The following KIAA1217 variants were observed in gnomAD, a reference collection of about 807,000 sequenced individuals.
The protein encoded by KIAA1217 is sickle tail protein homolog.
In KIAA1217, 88 loss-of-function variants were observed where a neutral mutation model predicts 163.9. The ratio of observed to expected loss-of-function variants is 0.54; its 90% CI spans 0.45 to 0.64. KIAA1217 has a LOEUF of 0.64. Ranked by LOEUF, KIAA1217 falls within the 30% of genes least tolerant of loss-of-function variation. The pLI is 0.00. For synonymous variants in KIAA1217, 903 were observed against 923.1 expected (o/e 0.98, Z 0.39); for missense variants, 2,372 against 2,475.0 (o/e 0.96, Z 0.88).
At chr10:24,532,806 G>T (rs2073327416) in intron 15 of KIAA1217, among the ~76,000 whole-genome samples, 1 of 151,934 alleles carries the variant, frequency 6.6e-6, no homozygotes, top group Non-Finnish European at 1.5e-5. Context: ...ATTTGGGTGG[G>T]GTCACAGCCA....
chr10:24,418,130 T>A (rs1387169553), intron 3 of KIAA1217, among the ~76,000 whole-genome samples: 1 of 152,054 alleles, frequency 6.6e-6, no homozygotes, highest in Non-Finnish European at 1.5e-5. Flanking sequence ...CTGCTTTTTT[T>A]TTATTTTTTG....
At chr10:24,492,948 T>A (rs1592372697) in intron 6 of KIAA1217, among the ~76,000 whole-genome samples, 2 of 152,072 alleles carry the variant, frequency 1.3e-5, no homozygotes, top group South Asian at 4.2e-4. Context: ...CAGGTTCCCG[T>A]GATTCTCCTG....
intron 1 of KIAA1217, among the ~76,000 whole-genome samples, chr10:23,919,887 C>T (rs1320965735): frequency 1.3e-5 from 2 of 152,162 alleles, no homozygotes; most frequent in African/African-American, 4.8e-5. Flanking sequence ...TTCCTTCCTT[C>T]CTGACCTTCT....
chr10:24,202,200 GT>G (rs758578520), intron 2 of KIAA1217, among the ~76,000 whole-genome samples: 4 of 152,206 alleles, frequency 2.6e-5, no homozygotes, highest in Admixed American at 6.5e-5. Flanking sequence ...TGATGAAAAA[GT>G]GGAACAAAAA....
chr10:23,839,738 G>A (rs1323036306), intron 1 of KIAA1217, among the ~76,000 whole-genome samples: 1 of 152,064 alleles, frequency 6.6e-6, no homozygotes, highest in Non-Finnish European at 1.5e-5. Flanking sequence ...CATCTCTGAT[G>A]GCTCCCACAA....
intron 1 of KIAA1217, among the ~76,000 whole-genome samples, chr10:23,959,911 C>CT (rs1326171008): frequency 0.07 from 7,422 of 106,264 alleles, 444 homozygotes; most frequent in African/African-American, 0.11. Context: ...TCATAGACTT[C>CT]TTTTTTTTTT....
chr10:24,175,323 C>G (rs545927719), intron 2 of KIAA1217, among the ~76,000 whole-genome samples: 3 of 152,272 alleles, frequency 2.0e-5, no homozygotes, highest in Admixed American at 1.3e-4. Flanking sequence ...ATACAATGTT[C>G]GGTTTTTCAT....
chr10:24,064,863 G>A lies in KIAA1217; in HGVS notation c.-171+57489G>A, dbSNP rs187075246. ...AGAGATTCAACTTCTTCCTGATTTAGTCTTGGGAGACTGTATGTGTCGAGG... is the reference window on the plus strand; with the variant it reads ...AGAGATTCAACTTCTTCCTGATTTAATCTTGGGAGACTGTATGTGTCGAGG... On this transcript the variant is annotated intron_variant, in intron 2 of 18. Coordinates refer to the KIAA1217 transcript ENST00000376462. Among the ~76,000 whole-genome samples, 696 of 152,276 alleles carry A rather than the reference G, an allele frequency of 4.6e-3. 5 individuals are homozygous for A. Among genetic ancestry groups the A allele is most frequent in the Non-Finnish European group, 6.9e-3 (467 of 68,036 alleles).
chr10:23,706,296 G>A (rs1836878796), intron 1 of KIAA1217, among the ~76,000 whole-genome samples: 1 of 152,052 alleles, frequency 6.6e-6, no homozygotes. Context: ...GCTAGGTCCT[G>A]TAATACAATG....
intron 2 of KIAA1217, among the ~76,000 whole-genome samples, chr10:24,071,292 A>T (rs2061177981): frequency 6.6e-6 from 1 of 152,180 alleles, no homozygotes; most frequent in Non-Finnish European, 1.5e-5. Context: ...ATTGGGAAAA[A>T]ATATGGTTTG....
intron 2 of KIAA1217, among the ~76,000 whole-genome samples, chr10:24,108,549 A>T (rs2062718926): frequency 6.6e-6 from 1 of 152,236 alleles, no homozygotes; most frequent in South Asian, 2.1e-4. Context: ...TCAACTAAAG[A>T]TTAGAAAAAT....
intron 2 of KIAA1217, among the ~76,000 whole-genome samples, chr10:24,133,904 T>C (rs1307113733): frequency 1.3e-5 from 2 of 152,186 alleles, no homozygotes; most frequent in South Asian, 2.1e-4. Flanking sequence ...CAGAAAATAG[T>C]AGTTTTCATC....
chr10:23,864,179 G>A (rs1419023087), intron 1 of KIAA1217, among the ~76,000 whole-genome samples: 1 of 151,686 alleles, frequency 6.6e-6, no homozygotes, highest in Non-Finnish European at 1.5e-5. Flanking sequence ...GTAGAGCTGG[G>A]ATTTGAGCCC....
At chr10:24,137,760 G>A (rs1028352337) in intron 2 of KIAA1217, among the ~76,000 whole-genome samples, 4 of 152,186 alleles carry the variant, frequency 2.6e-5, no homozygotes, top group Admixed American at 6.5e-5. Context: ...TAAAAAGTAT[G>A]AAGTGCTAAT....
chr10:24,368,459 CT>C (rs969516510), intron 2 of KIAA1217, among the ~76,000 whole-genome samples: 8 of 150,876 alleles, frequency 5.3e-5, no homozygotes, highest in Admixed American at 2.6e-4. Flanking sequence ...CCTTTTCTTT[CT>C]TTTTTTTTCC....
intron 4 of KIAA1217, 62 bp downstream of exon 4, chr10:24,433,255 T>A: frequency 7.3e-7 from 1 of 1,371,632 alleles, no homozygotes; most frequent in Non-Finnish European, 1.0e-6. Flanking sequence ...GTTTTTTGTT[T>A]TTTTGTTTTT....
chr10:24,128,769 C>T (rs1055383447), intron 2 of KIAA1217, among the ~76,000 whole-genome samples: 2 of 152,216 alleles, frequency 1.3e-5, no homozygotes, highest in Non-Finnish European at 2.9e-5. Flanking sequence ...CAAGCTTGAA[C>T]TGGGAGCAGG....
intron 2 of KIAA1217, among the ~76,000 whole-genome samples, chr10:24,164,037 A>G (rs915527574): frequency 3.3e-5 from 5 of 152,214 alleles, no homozygotes; most frequent in Non-Finnish European, 7.3e-5. Context: ...ATAAATTTCT[A>G]AGTCTAAAGA....
At chr10:24,281,871 C>G (rs1444773468) in intron 2 of KIAA1217, among the ~76,000 whole-genome samples, 2 of 152,088 alleles carry the variant, frequency 1.3e-5, no homozygotes, top group African/African-American at 4.8e-5. Flanking sequence ...GCATGGCTAA[C>G]ACGGTGAAAT....
Sources: gnomAD v4.1 joint callset for allele counts (sites outside exome capture counted in the v4.1 genomes callset) on GRCh38, gnomAD v4.1.1 for gene constraint, MANE v1.5 for transcripts, NCBI Gene and HGNC (gene_info 2026-07-23, HGNC 2026-07-21) for gene names.